Variants in TRPM3 observed in about 807,000 individuals in gnomAD.
The protein encoded by TRPM3 is transient receptor potential cation channel subfamily M member 3.
Under a neutral mutation model 181.2 loss-of-function variants are expected in TRPM3, and 77 were observed. That is an observed-to-expected ratio of 0.42 (90% CI 0.35 to 0.51). The LOEUF (loss-of-function observed/expected upper bound fraction) is 0.51, where lower values mean the gene tolerates loss of function less well. Ranked by LOEUF, TRPM3 falls within the 20% of genes least tolerant of loss-of-function variation. TRPM3 has a pLI of 0.01. For missense variants in TRPM3, 1,759 were observed against 2,196.7 expected (o/e 0.80, Z 3.98); for synonymous variants, 745 against 796.4 (o/e 0.94, Z 1.09).
At chr9:70,546,013 G>T (rs567997461) in intron 25 of TRPM3, among the ~76,000 whole-genome samples, 7 of 152,304 alleles carry the variant, frequency 4.6e-5, no homozygotes, top group African/African-American at 1.4e-4. Flanking sequence ...TGCAGGCCTT[G>T]CTCATGCCAG....
chr9:70,826,856 A>AC (rs1160150812), intron 6 of TRPM3: 4 of 152,224 alleles, frequency 2.6e-5, no homozygotes, highest in African/African-American at 9.6e-5. Flanking sequence ...ATGCATCCTC[A>AC]CCTGTTACTT....
chr9:71,275,552 G>C (rs2084136910), intron 1 of TRPM3, among the ~76,000 whole-genome samples: 2 of 152,016 alleles, frequency 1.3e-5, no homozygotes, highest in Non-Finnish European at 2.9e-5. Flanking sequence ...TATATATGGA[G>C]CCTAACAAAC....
At chr9:70,582,544 G>T (rs1434192136) in intron 22 of TRPM3, among the ~76,000 whole-genome samples, 4 of 152,068 alleles carry the variant, frequency 2.6e-5, no homozygotes, top group African/African-American at 9.7e-5. Context: ...GCATTCTAAA[G>T]GATTTTTATA....
At chr9:71,078,172 A>T (rs2063734693) in intron 1 of TRPM3, among the ~76,000 whole-genome samples, 1 of 152,176 alleles carries the variant, frequency 6.6e-6, no homozygotes, top group Admixed American at 6.6e-5. Context: ...GCAAACATCT[A>T]GAAACCATCC....
intron 1 of TRPM3, among the ~76,000 whole-genome samples, chr9:71,137,795 T>C (rs1221211717): frequency 6.6e-6 from 1 of 152,086 alleles, no homozygotes; most frequent in Non-Finnish European, 1.5e-5. Context: ...ATTTTAACAG[T>C]TGAAAATATA....
At chr9:70,639,691 AC>A (rs1386787509) in intron 10 of TRPM3, among the ~76,000 whole-genome samples, 1 of 152,158 alleles carries the variant, frequency 6.6e-6, no homozygotes, top group Non-Finnish European at 1.5e-5. Context: ...ATGTCACTTA[AC>A]TGAAAACAAA....
At chr9:71,277,058 C>A (rs1367607838) in intron 1 of TRPM3, among the ~76,000 whole-genome samples, 1 of 152,136 alleles carries the variant, frequency 6.6e-6, no homozygotes, top group African/African-American at 2.4e-5. Flanking sequence ...AGAATTCATA[C>A]AATGTGATCT....
intron 1 of TRPM3, among the ~76,000 whole-genome samples, chr9:71,062,863 C>A (rs2061481975): frequency 6.6e-6 from 1 of 152,082 alleles, no homozygotes; most frequent in Non-Finnish European, 1.5e-5. Context: ...AGCAAGAAGA[C>A]TCTCACCAAA....
intron 1 of TRPM3, among the ~76,000 whole-genome samples, chr9:70,874,826 G>C (rs1170646653): frequency 6.6e-6 from 1 of 151,834 alleles, no homozygotes; most frequent in Non-Finnish European, 1.5e-5. Flanking sequence ...ATTCATAGTA[G>C]AGTGGTCATG....
At chr9:70,691,035 T>C (rs753743209) in intron 8 of TRPM3, among the ~76,000 whole-genome samples, 76 of 152,170 alleles carry the variant, frequency 5.0e-4, no homozygotes, top group Non-Finnish European at 2.5e-4. Context: ...GGAAGGAAAT[T>C]GGAGAAAATT....
At chr9:71,424,798 G>A (rs1422689749) in intron 1 of TRPM3, among the ~76,000 whole-genome samples, 4 of 152,010 alleles carry the variant, frequency 2.6e-5, no homozygotes, top group African/African-American at 9.7e-5. Context: ...CCTCCCAGTT[G>A]CCTGTCTCAT....
At chr9:70,626,194 G>T (rs1300719358) in intron 12 of TRPM3, among the ~76,000 whole-genome samples, 1 of 152,152 alleles carries the variant, frequency 6.6e-6, no homozygotes, top group Non-Finnish European at 1.5e-5. Flanking sequence ...TACTTCTAAA[G>T]TTTAGGTTCT....
intron 1 of TRPM3, among the ~76,000 whole-genome samples, chr9:71,369,104 A>T (rs1463420695): frequency 6.6e-6 from 1 of 152,144 alleles, no homozygotes; most frequent in African/African-American, 2.4e-5. Context: ...AGAATTTAGA[A>T]AAAGAGCCAC....
At position 70,598,522 on chromosome 9, in the gene TRPM3, C is replaced by T; in HGVS notation, c.2945G>A (p.Arg982Lys). ...LQDQPFRSDG[R>K]VIYCVNIIYW... ...AATGATGTTCACGCAGTAGATGACC[C>T]TCCCGTCACTCCTGAAGGGCTGGTC... The change falls in exon 21 of 26, where the codon AGG becomes AAG. Residue 982 changes from arginine to lysine, a missense_variant. Coordinates refer to ENST00000677713, the MANE Select transcript of TRPM3 (RefSeq NM_001366145.2). 1 of 1,614,228 alleles carries T rather than the reference C, an allele frequency of 6.2e-7. No individual in the cohort carries two copies. Among genetic ancestry groups the T allele is most frequent in the Non-Finnish European group, 8.5e-7 (1 of 1,180,040 alleles).
chr9:71,414,977 G>GA (rs2093614811), intron 1 of TRPM3, among the ~76,000 whole-genome samples: 1 of 151,946 alleles, frequency 6.6e-6, no homozygotes, highest in Non-Finnish European at 1.5e-5. Context: ...TATCTTACTT[G>GA]AAAAAATATT....
chr9:70,762,398 A>G (rs1009449954), intron 7 of TRPM3, among the ~76,000 whole-genome samples: 3 of 152,228 alleles, frequency 2.0e-5, no homozygotes, highest in African/African-American at 7.2e-5. Flanking sequence ...GAGGCATCAT[A>G]TCTAATCAAT....
chr9:70,665,974 C>T (rs185672669), intron 9 of TRPM3, among the ~76,000 whole-genome samples: 11 of 152,240 alleles, frequency 7.2e-5, no homozygotes, highest in East Asian at 3.9e-4. Context: ...CATCTATTCC[C>T]GCAAGATTTG....
At chr9:70,842,809 A>C (rs190111531) in intron 5 of TRPM3, 194 bp downstream of exon 5, 17 of 543,332 alleles carry the variant, frequency 3.1e-5, no homozygotes, top group Non-Finnish European at 4.0e-5. Context: ...GATCATAAGA[A>C]TTGACCTGGA....
chr9:70,635,981 C>T (rs969178078), intron 11 of TRPM3, among the ~76,000 whole-genome samples: 1 of 152,266 alleles, frequency 6.6e-6, no homozygotes, highest in Admixed American at 6.5e-5. Context: ...TACACTTGGG[C>T]ATTCTGCCAT....
Sources: allele counts gnomAD v4.1 joint callset (sites outside exome capture counted in the v4.1 genomes callset), GRCh38; gene constraint gnomAD v4.1.1; transcripts MANE v1.5; gene names NCBI Gene and HGNC (gene_info 2026-07-23, HGNC 2026-07-21).